The following IFT43 variants were observed in gnomAD, a reference collection of about 807,000 sequenced individuals.
IFT43 encodes intraflagellar transport protein 43 homolog.
A neutral mutation model predicts 32.3 loss-of-function variants in IFT43; 33 were observed. The observed-to-expected ratio is 1.02, with a 90% CI of 0.77 to 1.37. The LOEUF is 1.37. IFT43 is among the 40% of genes most tolerant of loss of function. IFT43 has a pLI of 0.00. For synonymous variants in IFT43, 93 were observed against 98.2 expected (o/e 0.95, Z 0.31); for missense variants, 274 against 265.9 (o/e 1.03, Z -0.21).
rs535503375 is a variant in IFT43 at position 76,040,489 on chromosome 14, G to T, written c.215+18095G>T. Among the ~76,000 whole-genome samples, 4 of 152,288 alleles carry T rather than the reference G, an allele frequency of 2.6e-5. No individual in the cohort carries two copies. In the South Asian group the frequency reaches 8.3e-4, roughly 32 times the overall value. ...AAGGTGCATCAGCCTTTTTCTCATTGAGGATTTGGGTGAGCACTTTCATGC... is the reference window on the plus strand; with the variant it reads ...AAGGTGCATCAGCCTTTTTCTCATTTAGGATTTGGGTGAGCACTTTCATGC... On this transcript the variant is annotated intron_variant, in intron 3 of 8. Transcript: ENST00000314067.
chr14:76,034,581 T>A (rs1410211168), intron 3 of IFT43, among the ~76,000 whole-genome samples: 1 of 152,226 alleles, frequency 6.6e-6, no homozygotes, highest in East Asian at 1.9e-4. Context: ...GTGTCACCAG[T>A]GAGAAGTAGA....
At chr14:76,039,736 C>G (rs1056518725) in intron 3 of IFT43, among the ~76,000 whole-genome samples, 1 of 152,076 alleles carries the variant, frequency 6.6e-6, no homozygotes, top group Non-Finnish European at 1.5e-5. Flanking sequence ...GTCTCTCTCT[C>G]CCTTCCTGAC....
At chr14:76,067,979 T>C (rs1169087363) in intron 5 of IFT43, among the ~76,000 whole-genome samples, 2 of 152,208 alleles carry the variant, frequency 1.3e-5, no homozygotes, top group Non-Finnish European at 2.9e-5. Context: ...TCACCAGACC[T>C]TGTGGGGCAC....
chr14:76,047,835 G>A (rs1007576755), intron 3 of IFT43, among the ~76,000 whole-genome samples: 7 of 151,752 alleles, frequency 4.6e-5, no homozygotes, highest in East Asian at 1.9e-4. Context: ...AAGGGACTGC[G>A]TGGGGGTTGT....
intron 3 of IFT43, among the ~76,000 whole-genome samples, chr14:76,033,102 T>C (rs1284453235): frequency 6.6e-6 from 1 of 152,188 alleles, no homozygotes; most frequent in Non-Finnish European, 1.5e-5. Flanking sequence ...GATTTGGCTA[T>C]TTGGAGGTTA....
At chr14:76,076,375 C>G (rs1328567370) in intron 5 of IFT43, among the ~76,000 whole-genome samples, 1 of 152,150 alleles carries the variant, frequency 6.6e-6, no homozygotes, top group Non-Finnish European at 1.5e-5. Flanking sequence ...ATTCAGAAAT[C>G]CCCAACCAAG....
chr14:76,061,357 C>T (rs1206690600), intron 5 of IFT43, among the ~76,000 whole-genome samples: 1 of 152,180 alleles, frequency 6.6e-6, no homozygotes, highest in Non-Finnish European at 1.5e-5. Flanking sequence ...TGAACTTCTT[C>T]AGTCTGTGGA....
chr14:75,991,948 A>G (rs1198292767), intron 2 of IFT43, among the ~76,000 whole-genome samples: 2 of 152,162 alleles, frequency 1.3e-5, no homozygotes, highest in African/African-American at 2.4e-5. Context: ...TTAGATCCCA[A>G]GACTTGTGTG....
chr14:76,015,160 G>A (rs1227726641), intron 2 of IFT43, among the ~76,000 whole-genome samples: 4 of 152,192 alleles, frequency 2.6e-5, no homozygotes, highest in African/African-American at 4.8e-5. Context: ...AATTAAGTCC[G>A]TCTCATCCAG....
At chr14:75,986,457 A>AG (rs1312229383) in intron 1 of IFT43, 2 of 253,000 alleles carry the variant, frequency 7.9e-6, no homozygotes, top group Admixed American at 1.0e-4. Flanking sequence ...AAAAAAAAAA[A>AG]AAAAACCTAA....
intron 3 of IFT43, among the ~76,000 whole-genome samples, chr14:76,034,077 C>T (rs1409776385): frequency 6.6e-6 from 1 of 152,112 alleles, no homozygotes; most frequent in Non-Finnish European, 1.5e-5. Flanking sequence ...CGGAAAATAG[C>T]GTATTCACCT....
chr14:76,009,460 T>C (rs2139919618), intron 2 of IFT43, among the ~76,000 whole-genome samples: 1 of 152,368 alleles, frequency 6.6e-6, no homozygotes, highest in Middle Eastern at 3.4e-3. Flanking sequence ...TAGCTTGGCT[T>C]ATTCACCAAC....
intron 2 of IFT43, among the ~76,000 whole-genome samples, chr14:76,012,714 C>T (rs546483706): frequency 9.8e-5 from 15 of 152,336 alleles, no homozygotes; most frequent in African/African-American, 3.4e-4. Flanking sequence ...CTGAGGACTA[C>T]CGTCACTTGT....
chr14:76,035,732 C>T (rs1862534240), intron 3 of IFT43, among the ~76,000 whole-genome samples: 1 of 152,220 alleles, frequency 6.6e-6, no homozygotes, highest in Admixed American at 6.5e-5. Flanking sequence ...AAAGGTGTCA[C>T]AGAGGGAAGG....
At chr14:76,050,288 C>G (rs1234670418) in intron 3 of IFT43, among the ~76,000 whole-genome samples, 1 of 152,206 alleles carries the variant, frequency 6.6e-6, no homozygotes, top group East Asian at 1.9e-4. Context: ...GTTTCCAGGT[C>G]CAGCACTGCG....
intron 3 of IFT43, among the ~76,000 whole-genome samples, chr14:76,023,994 C>G (rs902806192): frequency 2.0e-5 from 3 of 152,224 alleles, no homozygotes; most frequent in African/African-American, 7.2e-5. Flanking sequence ...TTCTTCATTC[C>G]TCTTTTCTGC....
intron 3 of IFT43, among the ~76,000 whole-genome samples, chr14:76,041,730 G>A (rs1421210614): frequency 5.2e-5 from 7 of 134,490 alleles, no homozygotes; most frequent in East Asian, 2.1e-4. Context: ...ACTTCAATAC[G>A]TGTATGTACA....
In IFT43 at chr14:76,083,672, T is replaced by A; in HGVS notation, c.*95T>A. 8.6e-7 allele frequency: 1 copy of A among 1,163,246 alleles called. No individual in the cohort carries two copies. Among genetic ancestry groups the A allele is most frequent in the Non-Finnish European group, 1.3e-6 (1 of 796,588 alleles). The allele number at this position is 1,163,246 out of a possible 1,614,324, so 72.1% of individuals were successfully genotyped here. A position where few individuals can be genotyped will look rare whatever the true frequency, so the allele number is the denominator to read the frequency against. ...CCGAATTTTTACCTGGAATATTTTGTAATAAAAATATTTATATTCAGTCAA... is the reference window on the plus strand; with the variant it reads ...CCGAATTTTTACCTGGAATATTTTGAAATAAAAATATTTATATTCAGTCAA... On this transcript the variant is annotated 3_prime_UTR_variant, in exon 9 of 9. Coordinates refer to ENST00000314067, the MANE Select transcript of IFT43 (RefSeq NM_001102564.3).
chr14:75,994,243 C>G (rs1180516174), intron 2 of IFT43, among the ~76,000 whole-genome samples: 1 of 151,956 alleles, frequency 6.6e-6, no homozygotes, highest in Non-Finnish European at 1.5e-5. Flanking sequence ...GATTCAGTGG[C>G]CTCTTCTTGA....
Sources: gnomAD v4.1 joint callset for allele counts (sites outside exome capture counted in the v4.1 genomes callset) on GRCh38, gnomAD v4.1.1 for gene constraint, MANE v1.5 for transcripts, NCBI Gene and HGNC (gene_info 2026-07-23, HGNC 2026-07-21) for gene names.